KIFAP3: variants seen among roughly 807,000 people sequenced by gnomAD.
KIFAP3 encodes kinesin-associated protein 3.
Under a neutral mutation model 106.5 loss-of-function variants are expected in KIFAP3, and 68 were observed. The observed-to-expected ratio is 0.64, with a 90% CI of 0.53 to 0.78. The LOEUF (loss-of-function observed/expected upper bound fraction) is 0.78, where lower values mean the gene tolerates loss of function less well. Among genes scored for constraint, KIFAP3 ranks in the 30% least tolerant of loss-of-function variants. The pLI, the probability that KIFAP3 is intolerant of heterozygous loss-of-function variation, is 0.00. For synonymous variants in KIFAP3, 320 were observed against 311.5 expected (o/e 1.03, Z -0.29); for missense variants, 780 against 941.8 (o/e 0.83, Z 2.25).
chr1:170,084,796 A>G (rs190959571), intron 1 of KIFAP3, among the ~76,000 whole-genome samples: 1 of 152,330 alleles, frequency 6.6e-6, no homozygotes, highest in Admixed American at 6.5e-5. Flanking sequence ...AGAACCTGGT[A>G]TACGAGAACA....
chr1:170,026,532 G>C (rs141324801), intron 8 of KIFAP3, among the ~76,000 whole-genome samples: 3 of 152,310 alleles, frequency 2.0e-5, no homozygotes, highest in African/African-American at 7.2e-5. Context: ...GAACCTGATA[G>C]AATCCCTGAG....
chr1:169,933,575 T>C (rs559627917), intron 19 of KIFAP3, among the ~76,000 whole-genome samples: 2 of 152,094 alleles, frequency 1.3e-5, no homozygotes, highest in African/African-American at 2.4e-5. Context: ...GGTCACACTT[T>C]GCATTGACAT....
intron 9 of KIFAP3, among the ~76,000 whole-genome samples, chr1:170,021,941 CTTTTT>C (rs71125221): frequency 2.6e-5 from 2 of 77,880 alleles, no homozygotes; most frequent in African/African-American, 4.8e-5. Flanking sequence ...TCTTTTCTTT[CTTTTT>C]TTTTTTTTTT....
intron 10 of KIFAP3, among the ~76,000 whole-genome samples, chr1:170,001,849 A>G (rs1464052190): frequency 1.3e-5 from 2 of 152,212 alleles, no homozygotes; most frequent in African/African-American, 2.4e-5. Flanking sequence ...TAAGTCAGAA[A>G]AGGCAAAATG....
chr1:169,925,489 A>T (rs1199770954), intron 19 of KIFAP3, among the ~76,000 whole-genome samples: 1 of 151,944 alleles, frequency 6.6e-6, no homozygotes. Context: ...CCATATCTAG[A>T]GTGTGTTTTT....
intron 16 of KIFAP3, among the ~76,000 whole-genome samples, chr1:169,973,439 C>T (rs1666045260): frequency 3.2e-5 from 1 of 31,272 alleles, no homozygotes; most frequent in Non-Finnish European, 5.6e-5. Context: ...GAAAACTTTC[C>T]TGAAATTAAA....
Position 170,032,846 on chromosome 1 carries a change from T to A in KIFAP3, c.743-862A>T, listed in dbSNP as rs116190580. ...TCTTATAATCCCTGATGTGTCATAGTTTAATTGAAAGCATATGTTCCTCTC... is the reference window on the plus strand; with the variant it reads ...TCTTATAATCCCTGATGTGTCATAGATTAATTGAAAGCATATGTTCCTCTC... On this transcript the variant is annotated intron_variant, in intron 7 of 19. Coordinates refer to ENST00000361580, the MANE Select transcript of KIFAP3 (RefSeq NM_014970.4). Among the ~76,000 whole-genome samples the A allele has an allele frequency of 1.8e-3, 276 of 151,860 alleles. 1 individual carries two copies. The highest frequency in any genetic ancestry group is 6.5e-3 in the African/African-American group (269 of 41,542).
At chr1:170,029,160 T>TA (rs1371686311) in intron 8 of KIFAP3, among the ~76,000 whole-genome samples, 1 of 152,168 alleles carries the variant, frequency 6.6e-6, no homozygotes. Context: ...TTCATACTGA[T>TA]AACAAGGACA....
intron 9 of KIFAP3, 142 bp downstream of exon 9, chr1:170,024,276 C>T (rs891197933): frequency 2.0e-6 from 1 of 501,440 alleles, no homozygotes; most frequent in African/African-American, 2.0e-5. Flanking sequence ...CTTAATGAAG[C>T]AATATCAGTG....
intron 2 of KIFAP3, among the ~76,000 whole-genome samples, chr1:170,048,107 C>T (rs1355848423): frequency 1.3e-5 from 2 of 152,178 alleles, no homozygotes; most frequent in Non-Finnish European, 2.9e-5. Flanking sequence ...TCTCCCGAAA[C>T]CATTCCAGCA....
intron 10 of KIFAP3, among the ~76,000 whole-genome samples, chr1:169,996,638 G>A (rs1667384328): frequency 6.6e-6 from 1 of 152,166 alleles, no homozygotes; most frequent in African/African-American, 2.4e-5. Flanking sequence ...GCTCATGCAT[G>A]TACTTTTAAC....
At position 169,993,106 on chromosome 1, in the gene KIFAP3, C is replaced by CTT. The variant is rs202163966; in HGVS notation, c.1184-853_1184-852dup. 1.4e-3 allele frequency among the ~76,000 whole-genome samples: 182 copies of CTT among 130,720 alleles called. 1 individual carries two copies. Among genetic ancestry groups the CTT allele is most frequent in the Admixed American group, 2.9e-3 (38 of 12,890 alleles). The allele number at this position is 130,720 out of a possible 152,430, so 85.8% of individuals were successfully genotyped here. A position where few individuals can be genotyped will look rare whatever the true frequency, so the allele number is the denominator to read the frequency against. The stretch of plus-strand genomic sequence containing the variant: ...ATAAACTGGTATTTTCTTTTCTGTC[C>CTT]TTTTTTTTTTTTTTTTTCAGAGACA... On this transcript the variant is annotated intron_variant, in intron 10 of 19. Transcript: ENST00000361580.
At chr1:170,054,185 G>A (rs1469645653) in intron 2 of KIFAP3, among the ~76,000 whole-genome samples, 1 of 152,176 alleles carries the variant, frequency 6.6e-6, no homozygotes, top group African/African-American at 2.4e-5. Context: ...AGTGGGCAAA[G>A]GATATGAACA....
chr1:170,053,908 A>G (rs774243648), intron 2 of KIFAP3, among the ~76,000 whole-genome samples: 11 of 152,240 alleles, frequency 7.2e-5, no homozygotes, highest in Non-Finnish European at 1.5e-4. Flanking sequence ...AAACCTAGGC[A>G]ATACCATTCA....
At chr1:170,080,270 C>A (rs1302235619) in intron 1 of KIFAP3, among the ~76,000 whole-genome samples, 1 of 151,834 alleles carries the variant, frequency 6.6e-6, no homozygotes, top group African/African-American at 2.4e-5. Context: ...ATTAAAGATG[C>A]CCTAGGAAAA....
At chr1:170,036,971 T>C (rs1239228459) in intron 5 of KIFAP3, among the ~76,000 whole-genome samples, 1 of 152,196 alleles carries the variant, frequency 6.6e-6, no homozygotes, top group Non-Finnish European at 1.5e-5. Flanking sequence ...GATGAAGTAA[T>C]CTCAAAATAT....
intron 19 of KIFAP3, among the ~76,000 whole-genome samples, chr1:169,934,870 T>C (rs1195678711): frequency 6.6e-6 from 1 of 152,130 alleles, no homozygotes; most frequent in Non-Finnish European, 1.5e-5. Context: ...AAACAGTATC[T>C]CCCTTCCCCA....
chr1:170,073,376 A>G (rs1010203277), intron 1 of KIFAP3, among the ~76,000 whole-genome samples: 3 of 152,222 alleles, frequency 2.0e-5, no homozygotes, highest in Non-Finnish European at 4.4e-5. Context: ...TATTTATTAT[A>G]CAATTGTTTG....
chr1:170,078,002 C>T (rs999165613), upstream of KIFAP3, among the ~76,000 whole-genome samples: 5 of 152,002 alleles, frequency 3.3e-5, no homozygotes, highest in African/African-American at 1.2e-4. Context: ...AATAAAGCTA[C>T]TAAAAATATT....
Sources: allele counts gnomAD v4.1 joint callset (sites outside exome capture counted in the v4.1 genomes callset), GRCh38; gene constraint gnomAD v4.1.1; transcripts MANE v1.5; gene names NCBI Gene and HGNC (gene_info 2026-07-23, HGNC 2026-07-21).